C19orf47: variants seen among roughly 807,000 people sequenced by gnomAD.
The protein encoded by C19orf47 is uncharacterized protein C19orf47.
Under a neutral mutation model 32.3 loss-of-function variants are expected in C19orf47, and 18 were observed. The observed-to-expected ratio is 0.56, with a 90% confidence interval of 0.39 to 0.83. C19orf47 has a LOEUF of 0.83. Ranked by LOEUF, C19orf47 falls within the 40% of genes least tolerant of loss-of-function variation. C19orf47 has a pLI of 0.00. For synonymous variants in C19orf47, 202 were observed against 211.1 expected (o/e 0.96, Z 0.37); for missense variants, 484 against 531.6 (o/e 0.91, Z 0.88).
intron 1 of C19orf47, among the ~76,000 whole-genome samples, chr19:40,342,878 A>G (rs2078204336): frequency 6.6e-6 from 1 of 152,196 alleles, no homozygotes; most frequent in Non-Finnish European, 1.5e-5. Context: ...GGACACTGGG[A>G]GGAGACAGGT....
chr19:40,328,678 T>C lies in C19orf47; in HGVS notation c.302-128A>G. ...ATGAGAAGGTCAGCGGGTATCACCC[T>C]GTAACTGCATGGTACTCGTGATGGG... On this transcript the variant is annotated intron_variant, in intron 5 of 8. Transcript: ENST00000683109. 2.4e-6 allele frequency: 3 copies of C among 1,244,124 alleles called. 1 individual carries two copies. Among genetic ancestry groups the C allele is most frequent in the African/African-American group, 3.0e-5 (2 of 65,618 alleles). The allele number at this position is 1,244,124 out of a possible 1,614,324, so 77.1% of individuals were successfully genotyped here. A position where few individuals can be genotyped will look rare whatever the true frequency, so the allele number is the denominator to read the frequency against.
chr19:40,308,620 C>A, the C19orf47 span, among the ~76,000 whole-genome samples: 2 of 152,012 alleles, frequency 1.3e-5, no homozygotes, highest in African/African-American at 4.8e-5. Context: ...TATGCCACTA[C>A]ACCTGACAAA....
the C19orf47 span, among the ~76,000 whole-genome samples, chr19:40,297,701 GAAAAAAAAAAAAAA>G: frequency 0.5 from 55,081 of 111,208 alleles, 12,572 homozygotes; most frequent in South Asian, 0.68. Flanking sequence ...CTCCGTCTCG[GAAAAAAAAAAAAAA>G]AAAAAAAAAT....
chr19:40,293,302 C>T, the C19orf47 span, among the ~76,000 whole-genome samples: 7 of 151,032 alleles, frequency 4.6e-5, no homozygotes, highest in South Asian at 4.2e-4. Flanking sequence ...CATGCCACCA[C>T]GCCTGGCCAA....
Position 40,322,160 on chromosome 19 carries a change from G to A in C19orf47, c.880C>T (p.Arg294Cys), listed in dbSNP as rs747847797. ...CCAGACCGTGAGGAAAGCGCCAGGC[G>A]CCGCAGTGTCGGGGCAGCAGCCGTT... ...ATTAAAPTLR[R>C]LALSSRSGLE... Residue 294 changes from arginine (R) to cysteine (C), a missense_variant, in exon 9 of 9, where the codon CGC (arginine) becomes TGC (cysteine). Arg to Cys is a radical substitution (Grantham distance 180). Transcript: ENST00000683109. 58 of 1,613,304 alleles carry A rather than the reference G, an allele frequency of 3.6e-5. No homozygotes were observed. The highest frequency in any genetic ancestry group is 1.6e-4 in the Middle Eastern group (1 of 6,084).
Position 40,321,652 on chromosome 19 carries a change from AGAG to A in C19orf47, c.*227_*229del. The stretch of plus-strand genomic sequence containing the variant: ...AGGCCACAGCCAGAGAAGAAAGCAC[AGAG>A]GACATGAGAGAAGGGGAGTCCTGGA... On this transcript the variant is annotated 3_prime_UTR_variant, in exon 9 of 9. Coordinates refer to ENST00000683109, the MANE Select transcript of C19orf47 (RefSeq NM_001256441.2). 7.4e-7 allele frequency: 1 copy of A among 1,356,126 alleles called. No individual in the cohort carries two copies. The allele number at this position is 1,356,126 out of a possible 1,614,324, so 84.0% of individuals were successfully genotyped here. A position where few individuals can be genotyped will look rare whatever the true frequency, so the allele number is the denominator to read the frequency against.
intron 5 of C19orf47, among the ~76,000 whole-genome samples, chr19:40,331,468 T>A (rs2077951696): frequency 6.6e-6 from 1 of 152,144 alleles, no homozygotes; most frequent in South Asian, 2.1e-4. Flanking sequence ...CACAAAATCA[T>A]GAGAAATAAA....
chr19:40,330,953 C>T (rs2077940346), intron 5 of C19orf47, among the ~76,000 whole-genome samples: 1 of 152,252 alleles, frequency 6.6e-6, no homozygotes, highest in African/African-American at 2.4e-5. Context: ...GCAGGCTGGT[C>T]ATGTTTCCAT....
At chr19:40,322,417 C>T in intron 8 of C19orf47, 41 bp from the exon 9 acceptor site, 1 of 1,521,430 alleles carries the variant, frequency 6.6e-7, no homozygotes, top group South Asian at 1.3e-5. Flanking sequence ...CACTGAGTCA[C>T]TCAACACACA....
chr19:40,344,347 T>C lies in C19orf47; in HGVS notation c.-33-2457A>G, dbSNP rs182858123. ...TACAAAAATTAGTCGGGCATGGTGG[T>C]GGGCGCCTGTAATCCCAGCTACTCG... On this transcript the variant is annotated intron_variant, in intron 1 of 8. Coordinates refer to ENST00000683109, the MANE Select transcript of C19orf47 (RefSeq NM_001256441.2). 2.1e-3 allele frequency among the ~76,000 whole-genome samples: 321 copies of C among 151,776 alleles called. 3 individuals are homozygous for C. The highest frequency in any genetic ancestry group is 0.015 in the Admixed American group (232 of 15,218).
chr19:40,348,454 A>G, upstream of C19orf47: 1 of 1,499,106 alleles, frequency 6.7e-7, no homozygotes, highest in South Asian at 1.3e-5. Flanking sequence ...AGCTGAACTG[A>G]CTCGTCCGCG....
chr19:40,335,865 T>C lies in C19orf47; in HGVS notation c.222+245A>G, dbSNP rs562761853. Among the ~76,000 whole-genome samples, 10 of 152,312 alleles carry C rather than the reference T, an allele frequency of 6.6e-5. No individual in the cohort carries two copies. The South Asian group carries it at 2.1e-3, about 32-fold the overall frequency. ...ACTTCGTGATCCGACCACCTCGGCC[T>C]CCCAAAGTGCTGAGATTACAGGCGT... On this transcript the variant is annotated intron_variant, in intron 4 of 8. Transcript: ENST00000683109.
downstream of C19orf47, among the ~76,000 whole-genome samples, chr19:40,317,868 C>T (rs1297686899): frequency 1.3e-5 from 2 of 152,006 alleles, no homozygotes; most frequent in South Asian, 2.1e-4. Context: ...TACAGGCGTG[C>T]ACCAACACAC....
chr19:40,344,091 C>T (rs960291716), intron 1 of C19orf47, among the ~76,000 whole-genome samples: 6 of 151,926 alleles, frequency 3.9e-5, no homozygotes, highest in Non-Finnish European at 8.8e-5. Context: ...GCCTTCTGCT[C>T]AATCTCTTAT....
chr19:40,323,187 C>A (rs1181596239), intron 8 of C19orf47, among the ~76,000 whole-genome samples: 1 of 152,220 alleles, frequency 6.6e-6, no homozygotes, highest in Non-Finnish European at 1.5e-5. Flanking sequence ...GTGAGCAAGC[C>A]CGAGTTGCTG....
the C19orf47 span, among the ~76,000 whole-genome samples, chr19:40,308,106 C>T: frequency 0.97 from 148,298 of 152,246 alleles, 72,255 homozygotes; most frequent in African/African-American, 0.99. Context: ...ACTGATAATT[C>T]AGGACCAAGT....
Position 40,342,330 on chromosome 19 carries a change from G to C in C19orf47, c.-33-440C>G, listed in dbSNP as rs2078193660. 3 of 171,806 alleles carry C rather than the reference G, an allele frequency of 1.7e-5. No homozygotes were observed. In the South Asian group the frequency reaches 4.1e-4, roughly 24 times the overall value. 10.6% of individuals were successfully genotyped at this position (171,806 alleles called of 1,614,324 possible). Reference sequence around the variant, plus strand: ...GCAAGACCCTGTCTCAAAAAAAAAGGCTGGTCCGAAGGTAGTGAATTATCT... The same window carrying C: ...GCAAGACCCTGTCTCAAAAAAAAAGCCTGGTCCGAAGGTAGTGAATTATCT... On this transcript the variant is annotated intron_variant, in intron 1 of 8. Coordinates refer to ENST00000683109, the MANE Select transcript of C19orf47 (RefSeq NM_001256441.2).
rs61342452 is a variant in C19orf47, at chr19:40,333,274, AAAAT to A, written c.301+573_301+576del. Among the ~76,000 whole-genome samples the A allele has an allele frequency of 1.9e-3, 268 of 142,896 alleles. 1 individual carries two copies. Among genetic ancestry groups the A allele is most frequent in the African/African-American group, 5.6e-3 (217 of 38,456 alleles). 93.7% of individuals were successfully genotyped at this position (142,896 alleles called of 152,430 possible). On this transcript the variant is annotated intron_variant, in intron 5 of 8. Transcript: ENST00000683109. ...ATCTCAAAATAAATAAATAAATAAG[AAAAT>A]AAATAAATAAATAAATAAATAAATA...
At chr19:40,323,874 G>C (rs973035300) in intron 8 of C19orf47, 132 bp downstream of exon 8, 1 of 1,119,786 alleles carries the variant, frequency 8.9e-7, no homozygotes, top group Admixed American at 1.7e-5. Context: ...TGCAAAGCCA[G>C]GAACTGAGGC....
Sources: allele counts gnomAD v4.1 joint callset (sites outside exome capture counted in the v4.1 genomes callset), GRCh38; gene constraint gnomAD v4.1.1; transcripts MANE v1.5; gene names NCBI Gene and HGNC (gene_info 2026-07-23, HGNC 2026-07-21).